Variants in ERMARD observed in about 807,000 individuals in gnomAD.
The protein encoded by ERMARD is ER membrane associated RNA degradation, also known as endoplasmic reticulum membrane-associated RNA degradation protein.
In ERMARD, 71 loss-of-function variants were observed where a neutral mutation model predicts 83.9. That is an observed-to-expected ratio of 0.85 (90% CI 0.70 to 1.03). The LOEUF is 1.03. Ranked by LOEUF, ERMARD falls within the 50% of genes least tolerant of loss-of-function variation. The pLI is 0.00. For missense variants in ERMARD, 838 were observed against 810.9 expected, an observed-to-expected ratio of 1.03 and a Z score of -0.41; for synonymous variants, 284 against 298.6, an observed-to-expected ratio of 0.95 and a Z score of 0.50.
intron 10 of ERMARD, chr6:169,767,635 A>G (rs1375686810): frequency 1.7e-5 from 3 of 171,636 alleles, no homozygotes; most frequent in African/African-American, 7.2e-5. Flanking sequence ...TGCCACACAG[A>G]CACACACAGG....
chr6:169,768,509 G>A (rs1361455333), intron 11 of ERMARD, among the ~76,000 whole-genome samples: 1 of 152,096 alleles, frequency 6.6e-6, no homozygotes, highest in Non-Finnish European at 1.5e-5. Context: ...TATAATCCTA[G>A]CACTTTGGGA....
intron 8 of ERMARD, among the ~76,000 whole-genome samples, chr6:169,761,894 G>A (rs774688497): frequency 2.0e-5 from 3 of 151,974 alleles, no homozygotes; most frequent in Non-Finnish European, 2.9e-5. Flanking sequence ...CATTGGTCAG[G>A]CTGGTCTCAA....
intron 9 of ERMARD, 34 bp downstream of exon 9, chr6:169,762,565 G>A (rs1381325859): frequency 1.9e-6 from 3 of 1,546,624 alleles, no homozygotes; most frequent in South Asian, 2.3e-5. Flanking sequence ...TGTGATCATT[G>A]TTGCTGTATT....
rs1490196431 is a variant in ERMARD, at chr6:169,773,382, G to A, written c.1297G>A (p.Val433Ile). ...AEGYSSRCHP[V>I]FQLKKQVLSC... is the part of the protein sequence containing the mutation. ...AGGCTATAGTTCTCGCTGTCATCCG[G>A]TTTTTCAGCTTAAAAAACAGGTATG... is the stretch of plus-strand genomic sequence containing the variant. The change falls in exon 13 of 18, where the codon GTT (valine) becomes ATT (isoleucine). Residue 433 changes from valine (V) to isoleucine (I), a missense_variant. Coordinates refer to ENST00000366773, the MANE Select transcript of ERMARD (RefSeq NM_018341.3). The A allele has an allele frequency of 2.5e-6, 4 of 1,614,138 alleles. No individual in the cohort carries two copies. The highest frequency in any genetic ancestry group is 3.4e-6 in the Non-Finnish European group (4 of 1,180,008).
At chr6:169,756,848 G>C (rs374397711) in intron 5 of ERMARD, 40 bp downstream of exon 5, 9 of 1,552,054 alleles carry the variant, frequency 5.8e-6, no homozygotes, top group African/African-American at 5.4e-5. Context: ...ATATTAGTCC[G>C]TTTTCATGCT....
At position 169,781,389 on chromosome 6, in the gene ERMARD, AG is replaced by A; in HGVS notation, c.1914del (p.Asn639ThrfsTer15). ...ENLVAYTSYE[K>X]NKWNETINLT... ...CTGGTGGCTTACACCAGTTACGAAA[AG>A]AACAAGTGGAATGAAACTATCAATC... On this transcript the variant is annotated frameshift_variant, in exon 18 of 18. Coordinates refer to ENST00000366773, the MANE Select transcript of ERMARD (RefSeq NM_018341.3). LOFTEE classifies it low-confidence loss of function (END_TRUNC). The A allele has an allele frequency of 6.2e-7, 1 of 1,613,130 alleles. No individual in the cohort carries two copies.
At chr6:169,764,370 C>T (rs1194001425) in intron 9 of ERMARD, among the ~76,000 whole-genome samples, 1 of 150,768 alleles carries the variant, frequency 6.6e-6, no homozygotes, top group African/African-American at 2.4e-5. Context: ...CTCAAGCGAT[C>T]CTCCCACCTC....
At chr6:169,767,756 TACAC>T (rs59747825) in intron 10 of ERMARD, 2,748 of 258,108 alleles carry the variant, frequency 0.011, 8 homozygotes, top group East Asian at 0.066. Flanking sequence ...GCACATACAC[TACAC>T]ACACACACAC....
In ERMARD at chr6:169,760,732, C is replaced by G. The variant is rs1235317930; in HGVS notation, c.833C>G (p.Ala278Gly). Residue 278 changes from alanine (A) to glycine (G), a missense_variant, in exon 8 of 18, where the codon GCA becomes GGA. By Grantham distance (60) the Ala-to-Gly change is moderately conservative (BLOSUM62 0). Transcript: ENST00000366773. ...LKIMLPYWEV[A>G]LVKFKSHRFA... ...ATCATGTTACCATATTGGGAAGTTG[C>G]ACTGGTCAAGTTCAAGTCACACAGG... The G allele has an allele frequency of 1.2e-6, 2 of 1,613,748 alleles. No individual in the cohort carries two copies. Among genetic ancestry groups the G allele is most frequent in the Non-Finnish European group, 1.7e-6 (2 of 1,179,668 alleles).
chr6:169,760,951 T>G (rs1791475842), intron 8 of ERMARD, among the ~76,000 whole-genome samples, 195 bp downstream of exon 8: 1 of 151,940 alleles, frequency 6.6e-6, no homozygotes, highest in Non-Finnish European at 1.5e-5. Flanking sequence ...AAACATTGCC[T>G]TTTGGTGCAG....
chr6:169,766,066 A>G (rs1585381487), intron 9 of ERMARD, among the ~76,000 whole-genome samples: 1 of 152,056 alleles, frequency 6.6e-6, no homozygotes, highest in Middle Eastern at 3.4e-3. Context: ...AGTCCCCAAA[A>G]GCCTTTTGAG....
Position 169,762,516 on chromosome 6 carries a change from A to G in ERMARD, c.945A>G (p.Arg315=), listed in dbSNP as rs1265698903. 5.0e-6 allele frequency: 8 copies of G among 1,613,654 alleles called. No homozygotes were observed. Among genetic ancestry groups the G allele is most frequent in the Admixed American group, 1.7e-5 (1 of 59,990 alleles). ...CCACACTTAACAGATGTCCAAAAAG[A>G]CTCCTGACTGCTGAGGTAAGCTTGT... ...VFATLNRCPK[R]LLTAESTALY... The change falls in exon 9 of 18, where the codon AGA becomes AGG. Residue 315 remains arginine (R), a synonymous_variant. Transcript: ENST00000366773.
At chr6:169,751,808 C>A in intron 1 of ERMARD, 145 bp downstream of exon 1, 1 of 1,232,342 alleles carries the variant, frequency 8.1e-7, no homozygotes, top group Non-Finnish European at 1.1e-6. Flanking sequence ...CTGGCGACGT[C>A]GCGGCCCTGG....
intron 9 of ERMARD, 65 bp downstream of exon 9, chr6:169,762,596 T>C: frequency 7.4e-7 from 1 of 1,344,010 alleles, no homozygotes; most frequent in Non-Finnish European, 1.0e-6. Flanking sequence ...TGTTACCAAT[T>C]AAAAGTTTTT....
rs771939745 is a variant in ERMARD, at chr6:169,759,853, G to A, written c.621G>A (p.Met207Ile). The change falls in exon 7 of 18, where the codon ATG (methionine) becomes ATA (isoleucine). Residue 207 changes from methionine (M) to isoleucine (I), a missense_variant. By Grantham distance (10) the Met-to-Ile change is conservative. Coordinates refer to ENST00000366773, the MANE Select transcript of ERMARD (RefSeq NM_018341.3). Reference protein sequence around the residue: ...EEIPPKYCSMMILLTAGLGQL... With the variant: ...EEIPPKYCSMIILLTAGLGQL... Reference sequence around the variant, plus strand: ...TATTTCCTAGATACTGTTCAATGATGATACTGTTGACGGCAGGATTGGGTC... The same window carrying A: ...TATTTCCTAGATACTGTTCAATGATAATACTGTTGACGGCAGGATTGGGTC... The A allele has an allele frequency of 5.6e-6, 9 of 1,614,038 alleles. No individual in the cohort carries two copies. Among genetic ancestry groups the A allele is most frequent in the Non-Finnish European group, 7.6e-6 (9 of 1,180,004 alleles).
At chr6:169,767,780 C>CACACACACACACAG (rs1185340700) in intron 10 of ERMARD, 26 of 351,748 alleles carry the variant, frequency 7.4e-5, no homozygotes, top group African/African-American at 5.0e-4. Context: ...CACACACACA[C>CACACACACACACAG]AGGCACAGTT....
intron 3 of ERMARD, among the ~76,000 whole-genome samples, chr6:169,756,077 T>C (rs1415296002): frequency 2.0e-5 from 3 of 152,214 alleles, no homozygotes; most frequent in Non-Finnish European, 4.4e-5. Context: ...GTCAAAATGC[T>C]TGACTTTTCC....
intron 1 of ERMARD, chr6:169,753,374 T>A (rs1790393705): frequency 6.5e-6 from 1 of 154,342 alleles, no homozygotes; most frequent in Non-Finnish European, 1.5e-5. Context: ...TAGTCAGAGG[T>A]ACGTGGGGTT....
At chr6:169,767,842 A>G (rs868420219) in intron 10 of ERMARD, 2 of 506,846 alleles carry the variant, frequency 3.9e-6, no homozygotes, top group African/African-American at 1.9e-5. Context: ...GCACATACAC[A>G]TATACACACC....
Sources: allele counts gnomAD v4.1 joint callset (sites outside exome capture counted in the v4.1 genomes callset), GRCh38; gene constraint gnomAD v4.1.1; transcripts MANE v1.5; gene names NCBI Gene and HGNC (gene_info 2026-07-23, HGNC 2026-07-21).